NRG1: variants seen among roughly 807,000 people sequenced by gnomAD.
NRG1 encodes neuregulin 1.
NRG1 carries 18 observed loss-of-function variants against 63.8 expected under a neutral mutation model. The ratio of observed to expected loss-of-function variants is 0.28; its 90% CI spans 0.19 to 0.42. NRG1 has a LOEUF of 0.42. NRG1 is among the 10% of genes least tolerant of loss of function. The pLI is 1.00. For missense variants in NRG1, 762 were observed against 814.7 expected (o/e 0.94, Z 0.79); for synonymous variants, 302 against 301.3 (o/e 1.00, Z -0.02).
At chr8:32,454,180 G>C (rs150250137) in intron 1 of NRG1, among the ~76,000 whole-genome samples, 8 of 152,280 alleles carry the variant, frequency 5.3e-5, no homozygotes, top group African/African-American at 1.9e-4. Context: ...AATTGTGGAG[G>C]AATTCTGGAT....
At chr8:32,071,593 TTATTAG>T (rs1319380528) in intron 1 of NRG1, among the ~76,000 whole-genome samples, 1 of 152,186 alleles carries the variant, frequency 6.6e-6, no homozygotes, top group African/African-American at 2.4e-5. Flanking sequence ...GAACATTTCA[TTATTAG>T]TATTCCCAAT....
At chr8:32,420,825 C>T (rs1816621144) in intron 1 of NRG1, among the ~76,000 whole-genome samples, 1 of 152,086 alleles carries the variant, frequency 6.6e-6, no homozygotes, top group African/African-American at 2.4e-5. Context: ...CTCATAATCC[C>T]CATGTGTCAA....
chr8:32,020,755 A>T (rs930577667), intron 1 of NRG1, among the ~76,000 whole-genome samples: 12 of 152,210 alleles, frequency 7.9e-5, no homozygotes, highest in Non-Finnish European at 1.5e-4. Flanking sequence ...ATTTCAGAAT[A>T]CCTTTGTATT....
At chr8:32,543,937 T>C (rs1205385203), upstream of NRG1, among the ~76,000 whole-genome samples, 1 of 152,180 alleles carries the variant, frequency 6.6e-6, no homozygotes, top group Non-Finnish European at 1.5e-5. Flanking sequence ...ATGTTGATGC[T>C]AAGAGTCTAA....
intron 1 of NRG1, among the ~76,000 whole-genome samples, chr8:31,709,890 T>G: frequency 6.6e-6 from 1 of 151,920 alleles, no homozygotes; most frequent in African/African-American, 2.4e-5. Context: ...AAAATAATTT[T>G]TAAAATGTAT....
At chr8:31,820,790 T>C (rs920637449) in intron 1 of NRG1, among the ~76,000 whole-genome samples, 4 of 152,210 alleles carry the variant, frequency 2.6e-5, no homozygotes, top group African/African-American at 4.8e-5. Context: ...GGGTTTAATG[T>C]TTTGTATACT....
chr8:32,058,827 G>A (rs1043135817), intron 1 of NRG1, among the ~76,000 whole-genome samples: 2 of 151,626 alleles, frequency 1.3e-5, no homozygotes, highest in African/African-American at 4.8e-5. Flanking sequence ...TATTCCCCAC[G>A]AGATGAAATG....
chr8:32,561,408 A>G lies in NRG1; in HGVS notation c.100+12582A>G, dbSNP rs1417321073. ...AAGTAGCTTCAATAAATTTTGACTG[A>G]CAAGATGACCATAAAATAAGTAGTC... On this transcript the variant is annotated intron_variant, in intron 1 of 11. Transcript: ENST00000356819. Among the ~76,000 whole-genome samples, 3 of 152,294 alleles carry G rather than the reference A, an allele frequency of 2.0e-5. No homozygotes were observed. In the East Asian group the frequency reaches 5.8e-4, roughly 29 times the overall value.
intron 5 of NRG1, among the ~76,000 whole-genome samples, chr8:32,636,601 T>C (rs540013867): frequency 6.6e-6 from 1 of 152,168 alleles, no homozygotes; most frequent in Non-Finnish European, 1.5e-5. Flanking sequence ...TTTTCAGTAA[T>C]GTGAACTTTA....
At chr8:31,941,883 A>G (rs1801807349) in intron 1 of NRG1, among the ~76,000 whole-genome samples, 1 of 152,192 alleles carries the variant, frequency 6.6e-6, no homozygotes, top group Non-Finnish European at 1.5e-5. Context: ...GCTGAAAGAA[A>G]TCATAGACAA....
At chr8:32,508,630 A>G (rs780520225) in intron 1 of NRG1, among the ~76,000 whole-genome samples, 3 of 151,862 alleles carry the variant, frequency 2.0e-5, no homozygotes. Flanking sequence ...AAACAAAAAC[A>G]AAGTTTTAAC....
intron 1 of NRG1, among the ~76,000 whole-genome samples, chr8:31,693,340 A>T (rs932363015): frequency 1.3e-5 from 2 of 152,222 alleles, no homozygotes; most frequent in Non-Finnish European, 2.9e-5. Context: ...TTTGTCCAAA[A>T]CTATTTTGAG....
intron 1 of NRG1, among the ~76,000 whole-genome samples, chr8:31,678,758 A>T (rs574919390): frequency 6.8e-6 from 1 of 147,974 alleles, no homozygotes; most frequent in East Asian, 1.9e-4. Flanking sequence ...TTTAAGTTAA[A>T]TAATCAAATA....
chr8:32,212,272 T>C lies in NRG1; in HGVS notation c.38-383556T>C, dbSNP rs145532877. On this transcript the variant is annotated intron_variant, in intron 1 of 10. Coordinates refer to the NRG1 transcript ENST00000519301. The stretch of plus-strand genomic sequence containing the variant: ...CCATATGGAAATTAAATAATACACA[T>C]AAAATACTTAAAATAGCGTCAGGCA... 2.1e-3 allele frequency among the ~76,000 whole-genome samples: 323 copies of C among 152,258 alleles called. 4 individuals are homozygous for C. The highest frequency in any genetic ancestry group is 7.4e-3 in the African/African-American group (309 of 41,562).
intron 6 of NRG1, among the ~76,000 whole-genome samples, chr8:32,740,942 G>A (rs76355695): frequency 0.03 from 4,573 of 152,228 alleles, 304 homozygotes; most frequent in East Asian, 0.28. Context: ...GATGGTTGCT[G>A]TATAGATGAA....
chr8:31,983,497 A>G (rs571544426), intron 1 of NRG1, among the ~76,000 whole-genome samples: 1 of 152,158 alleles, frequency 6.6e-6, no homozygotes, highest in Admixed American at 6.6e-5. Flanking sequence ...CTCCTACCTC[A>G]GCCTCCAGAG....
At chr8:32,737,993 A>AT (rs1589510363) in intron 6 of NRG1, among the ~76,000 whole-genome samples, 2 of 152,010 alleles carry the variant, frequency 1.3e-5, no homozygotes, top group Non-Finnish European at 2.9e-5. Flanking sequence ...CTTTGATACA[A>AT]TTGTGGATCA....
At position 32,341,355 on chromosome 8, in the gene NRG1, AAG is replaced by A. The variant is rs145271523; in HGVS notation, c.38-254466_38-254465del. Among the ~76,000 whole-genome samples the A allele has an allele frequency of 1.4e-4, 21 of 152,308 alleles. No homozygotes were observed. The South Asian group carries it at 1.7e-3, about 12-fold the overall frequency. ...GGAAATCCAACATCCTTTGGCAGAG[AAG>A]AGAGAGGAATTTTCCACTCGGGCAA... On this transcript the variant is annotated intron_variant, in intron 1 of 10. Transcript: ENST00000519301.
intron 1 of NRG1, among the ~76,000 whole-genome samples, chr8:32,227,086 T>A (rs1799393179): frequency 6.6e-6 from 1 of 152,204 alleles, no homozygotes; most frequent in African/African-American, 2.4e-5. Flanking sequence ...CTTTCTCCTT[T>A]TACTCTGGAG....
Sources: allele counts gnomAD v4.1 joint callset (sites outside exome capture counted in the v4.1 genomes callset), GRCh38; gene constraint gnomAD v4.1.1; transcripts MANE v1.5; gene names NCBI Gene and HGNC (gene_info 2026-07-23, HGNC 2026-07-21).